GTF3A: variants seen among roughly 807,000 people sequenced by gnomAD.
GTF3A encodes the protein transcription factor IIIA.
GTF3A carries 40 observed loss-of-function variants against 37.6 expected under a neutral mutation model. The observed-to-expected ratio is 1.06, with a 90% CI of 0.83 to 1.38. The LOEUF is 1.38. GTF3A is among the 40% of genes most tolerant of loss of function. The probability of loss-of-function intolerance (pLI) is 0.00; values close to 1 mark genes in which losing one functional copy is unlikely to be tolerated. For synonymous variants in GTF3A, 191 were observed against 166.7 expected (o/e 1.15, Z -1.12); for missense variants, 500 against 462.6 (o/e 1.08, Z -0.74).
At position 27,435,046 on chromosome 13, in the gene GTF3A, C is replaced by A; in HGVS notation, c.873+12C>A. On this transcript the variant is annotated intron_variant, in intron 7 of 8. Coordinates refer to ENST00000381140, the MANE Select transcript of GTF3A (RefSeq NM_002097.3). ...CATTTGCAATGAAAGTAAGCACTCACCCTCATACTCATGGTCCTATAGTCT... is the reference window on the plus strand; with the variant it reads ...CATTTGCAATGAAAGTAAGCACTCAACCTCATACTCATGGTCCTATAGTCT... The A allele has an allele frequency of 6.5e-7, 1 of 1,543,246 alleles. No homozygotes were observed. Among genetic ancestry groups the A allele is most frequent in the Non-Finnish European group, 9.0e-7 (1 of 1,115,356 alleles).
chr13:27,429,998 G>A, intron 3 of GTF3A, 32 bp downstream of exon 3: 1 of 1,254,174 alleles, frequency 8.0e-7, no homozygotes, highest in Non-Finnish European at 1.1e-6. Flanking sequence ...TAAATTTTTT[G>A]AGTATTTTTA....
chr13:27,434,530 C>CAGTT, intron 6 of GTF3A: 1 of 555,702 alleles, frequency 1.8e-6, no homozygotes, highest in Non-Finnish European at 3.2e-6. Flanking sequence ...AGGAAGGACA[C>CAGTT]TGGTCTGCTT....
chr13:27,429,859 A>T lies in GTF3A; in HGVS notation c.303-11A>T. On this transcript the variant is annotated splice_polypyrimidine_tract_variant and intron_variant, in intron 2 of 8. Coordinates refer to ENST00000381140, the MANE Select transcript of GTF3A (RefSeq NM_002097.3). The stretch of plus-strand genomic sequence containing the variant: ...GTTTATTAATATTTTGGTTTATATA[A>T]CTTCTTACAGTTGTGCAGCCAATGG... 6.8e-7 allele frequency: 1 copy of T among 1,479,284 alleles called. No homozygotes were observed. The allele number at this position is 1,479,284 out of a possible 1,614,324, so 91.6% of individuals were successfully genotyped here. A position where few individuals can be genotyped will look rare whatever the true frequency, so the allele number is the denominator to read the frequency against.
rs931904495 is a variant in GTF3A at position 27,424,649 on chromosome 13, A to G, written c.-89A>G. 12 of 969,322 alleles carry G rather than the reference A, an allele frequency of 1.2e-5. No homozygotes were observed. The highest frequency in any genetic ancestry group is 8.6e-5 in the African/African-American group (5 of 57,832). The allele number at this position is 969,322 out of a possible 1,614,324, so 60.0% of individuals were successfully genotyped here. A position where few individuals can be genotyped will look rare whatever the true frequency, so the allele number is the denominator to read the frequency against. On this transcript the variant is annotated 5_prime_UTR_variant, in exon 1 of 9. Coordinates refer to ENST00000381140, the MANE Select transcript of GTF3A (RefSeq NM_002097.3). Reference sequence around the variant, plus strand: ...TGCCGGCGTCGCGCGAAGGTTCAGCAGGGAGCCGTGGGCCGGGCGCGCCGG... The same window carrying G: ...TGCCGGCGTCGCGCGAAGGTTCAGCGGGGAGCCGTGGGCCGGGCGCGCCGG...
At chr13:27,427,231 G>T in intron 2 of GTF3A, 39 bp downstream of exon 2, 2 of 960,644 alleles carry the variant, frequency 2.1e-6, no homozygotes, top group Non-Finnish European at 3.3e-6. Flanking sequence ...GAAGTGGGTT[G>T]TGTTGGGCAT....
At chr13:27,432,227 T>C (rs985477842) in intron 4 of GTF3A, among the ~76,000 whole-genome samples, 2 of 152,206 alleles carry the variant, frequency 1.3e-5, no homozygotes, top group Non-Finnish European at 2.9e-5. Flanking sequence ...GCAGTGACCT[T>C]GCCTGTCCTT....
At chr13:27,429,828 C>A in intron 2 of GTF3A, 42 bp from the exon 3 acceptor site, 1 of 1,063,458 alleles carries the variant, frequency 9.4e-7, no homozygotes, top group Non-Finnish European at 1.3e-6. Flanking sequence ...AACTTCTTCT[C>A]CCTTGGTTTA....
Position 27,435,720 on chromosome 13 carries a change from G to C in GTF3A, c.*123G>C. On this transcript the variant is annotated 3_prime_UTR_variant, in exon 9 of 9. Transcript: ENST00000381140. ...ATTCCTTATCATTTCCATGGTCTTT[G>C]TTCAAAGTGTCTCTTTCCTGGGTCT... The C allele has an allele frequency of 6.2e-7, 1 of 1,614,068 alleles. No homozygotes were observed.
intron 4 of GTF3A, 133 bp from the exon 5 acceptor site, chr13:27,432,598 T>C: frequency 1.4e-6 from 1 of 701,416 alleles, no homozygotes; most frequent in Admixed American, 2.1e-5. Context: ...TGATGAGAGC[T>C]ACATTTTAAC....
Position 27,424,663 on chromosome 13 carries a change from C to A in GTF3A, c.-75C>A. The A allele has an allele frequency of 2.7e-6, 3 of 1,127,092 alleles. No individual in the cohort carries two copies. Among genetic ancestry groups the A allele is most frequent in the Non-Finnish European group, 3.5e-6 (3 of 857,138 alleles). The allele number at this position is 1,127,092 out of a possible 1,614,324, so 69.8% of individuals were successfully genotyped here. A position where few individuals can be genotyped will look rare whatever the true frequency, so the allele number is the denominator to read the frequency against. On this transcript the variant is annotated 5_prime_UTR_variant, in exon 1 of 9. Transcript: ENST00000381140. ...GAAGGTTCAGCAGGGAGCCGTGGGC[C>A]GGGCGCGCCGGTTCCCGGCACGTGT...
chr13:27,427,941 C>T (rs1217152617), intron 2 of GTF3A, among the ~76,000 whole-genome samples: 1 of 151,998 alleles, frequency 6.6e-6, no homozygotes, highest in African/African-American at 2.4e-5. Flanking sequence ...CCACTGCTCG[C>T]TGGACAGTGC....
intron 6 of GTF3A, 54 bp downstream of exon 6, chr13:27,434,273 G>T (rs1953687435): frequency 1.3e-6 from 1 of 791,920 alleles, no homozygotes; most frequent in South Asian, 1.4e-5. Context: ...CCACAGAACT[G>T]ATTTAGTGCT....
At chr13:27,434,696 A>G (rs185345786) in intron 6 of GTF3A, 109 bp from the exon 7 acceptor site, 185 of 639,514 alleles carry the variant, frequency 2.9e-4, no homozygotes, top group African/African-American at 2.9e-3. Flanking sequence ...TGATTTGTAT[A>G]TAGTGATCAG....
intron 3 of GTF3A, 30 bp from the exon 4 acceptor site, chr13:27,430,503 T>G (rs374117688): frequency 4.6e-5 from 63 of 1,363,872 alleles, no homozygotes; most frequent in Non-Finnish European, 6.5e-5. Context: ...TGACTTTCCA[T>G]AAGACTAACG....
chr13:27,434,657 A>G, intron 6 of GTF3A, 148 bp from the exon 7 acceptor site: 2 of 591,948 alleles, frequency 3.4e-6, no homozygotes. Context: ...CTAGGTGATA[A>G]AAACTGGGGT....
Position 27,427,145 on chromosome 13 carries a change from C to G in GTF3A, c.255C>G (p.Tyr85Ter). The change falls in exon 2 of 9, where the codon TAC (tyrosine) becomes TAG (stop). Residue 85 changes from tyrosine to a stop codon, truncating the protein, a stop_gained. Transcript: ENST00000381140. LOFTEE classifies it high-confidence loss of function. ...GTGGCAAGGCCTTCATCAGGGACTA[C>G]CATCTGAGCCGCCACATTCTGACTC... The G allele has an allele frequency of 1.2e-6, 2 of 1,607,072 alleles. No homozygotes were observed. The highest frequency in any genetic ancestry group is 1.7e-6 in the Non-Finnish European group (2 of 1,174,172).
At chr13:27,429,284 C>T (rs1278455092) in intron 2 of GTF3A, 1 of 70,736 alleles carries the variant, frequency 1.4e-5, no homozygotes, top group Admixed American at 1.7e-4. Flanking sequence ...ACAAGAGGCA[C>T]AAATTTTCTT....
chr13:27,435,221 GTT>G, intron 8 of GTF3A, 29 bp downstream of exon 8: 1 of 1,557,890 alleles, frequency 6.4e-7, no homozygotes, highest in Non-Finnish European at 8.7e-7. Flanking sequence ...GGCAAGCTTA[GTT>G]TTCAAGTGGA....
intron 5 of GTF3A, among the ~76,000 whole-genome samples, 181 bp downstream of exon 5, chr13:27,432,985 T>A (rs1463850326): frequency 6.6e-6 from 1 of 152,218 alleles, no homozygotes; most frequent in Admixed American, 6.5e-5. Flanking sequence ...TCCACTACCG[T>A]ATCATTGCTG....
Sources: gnomAD v4.1 joint callset for allele counts (sites outside exome capture counted in the v4.1 genomes callset) on GRCh38, gnomAD v4.1.1 for gene constraint, MANE v1.5 for transcripts, NCBI Gene and HGNC (gene_info 2026-07-23, HGNC 2026-07-21) for gene names.